The following CLVS1 variants were observed in gnomAD, a reference collection of about 807,000 sequenced individuals.
CLVS1 encodes the protein clavesin 1.
Under a neutral mutation model 33.1 loss-of-function variants are expected in CLVS1, and 10 were observed. The observed-to-expected ratio is 0.30, with a 90% CI of 0.19 to 0.51. The LOEUF is 0.51. Ranked by LOEUF, CLVS1 falls within the 20% of genes least tolerant of loss-of-function variation. The pLI is 0.97. For synonymous variants in CLVS1, 163 were observed against 166.1 expected, an observed-to-expected ratio of 0.98 and a Z score of 0.14; for missense variants, 343 against 433.4, an observed-to-expected ratio of 0.79 and a Z score of 1.85.
intron 1 of CLVS1, among the ~76,000 whole-genome samples, chr8:61,081,423 C>T (rs1805018090): frequency 6.6e-6 from 1 of 152,162 alleles, no homozygotes; most frequent in Admixed American, 6.5e-5. Context: ...TGAGCCGAAG[C>T]TTGCTGAGGC....
At chr8:61,274,331 C>G (rs918276346) in intron 2 of CLVS1, among the ~76,000 whole-genome samples, 2 of 152,082 alleles carry the variant, frequency 1.3e-5, no homozygotes, top group Non-Finnish European at 2.9e-5. Context: ...TTTATATTCC[C>G]TGCATTGATG....
Position 61,461,974 on chromosome 8 carries a change from A to G in CLVS1, c.977+3432A>G, listed in dbSNP as rs140372079. ...ATTTCCTCAACATTCATAGTTAAGC[A>G]GAGAAATGACATAATAAGATCTGGG... On this transcript the variant is annotated intron_variant, in intron 5 of 5. Transcript: ENST00000325897. Among the ~76,000 whole-genome samples, 48 of 152,356 alleles carry G rather than the reference A, an allele frequency of 3.2e-4. No homozygotes were observed. The East Asian group carries it at 8.3e-3, about 26-fold the overall frequency.
intron 2 of CLVS1, among the ~76,000 whole-genome samples, chr8:61,360,440 C>CCAAT (rs144687236): frequency 1.9e-4 from 29 of 152,078 alleles, no homozygotes; most frequent in African/African-American, 3.4e-4. Flanking sequence ...AACAGAATTG[C>CCAAT]CAATCAATCA....
chr8:61,489,992 G>C (rs1251260525), intron 5 of CLVS1, among the ~76,000 whole-genome samples: 1 of 152,176 alleles, frequency 6.6e-6, no homozygotes, highest in Non-Finnish European at 1.5e-5. Flanking sequence ...TAAGTAGCAC[G>C]TGGCAGCTCT....
chr8:61,038,609 C>T, the CLVS1 span, among the ~76,000 whole-genome samples: 81 of 152,028 alleles, frequency 5.3e-4, no homozygotes, highest in Non-Finnish European at 5.3e-4. Context: ...TTCCAGGAAG[C>T]CAACACAAAT....
chr8:61,114,926 T>G (rs552556872), intron 1 of CLVS1, among the ~76,000 whole-genome samples: 15 of 152,204 alleles, frequency 9.9e-5, no homozygotes, highest in Non-Finnish European at 2.1e-4. Flanking sequence ...CACTGGAAGA[T>G]CAGAAAAAGC....
intron 1 of CLVS1, among the ~76,000 whole-genome samples, chr8:61,108,891 G>A (rs943539340): frequency 6.6e-6 from 1 of 152,214 alleles, no homozygotes; most frequent in South Asian, 2.1e-4. Flanking sequence ...GTGCTCTGTT[G>A]GTTCTAAGTC....
chr8:61,322,144 A>G (rs981449681), intron 2 of CLVS1, among the ~76,000 whole-genome samples: 20 of 152,192 alleles, frequency 1.3e-4, no homozygotes, highest in African/African-American at 1.7e-4. Flanking sequence ...GGCACAGAGT[A>G]GGTGCTCATT....
At chr8:61,208,067 A>G (rs1454288926) in intron 2 of CLVS1, among the ~76,000 whole-genome samples, 4 of 152,216 alleles carry the variant, frequency 2.6e-5, no homozygotes, top group African/African-American at 7.2e-5. Context: ...CATTGTCATC[A>G]CCTTTTCTCA....
chr8:61,197,573 A>C (rs1405459682), intron 2 of CLVS1, among the ~76,000 whole-genome samples: 1 of 151,952 alleles, frequency 6.6e-6, no homozygotes, highest in Non-Finnish European at 1.5e-5. Context: ...AGGCTGGAGT[A>C]CAGTAGTGCT....
chr8:61,244,975 G>T (rs1302801990), intron 2 of CLVS1, among the ~76,000 whole-genome samples: 1 of 151,712 alleles, frequency 6.6e-6, no homozygotes, highest in Non-Finnish European at 1.5e-5. Flanking sequence ...ATATATTTTA[G>T]GTTATGTAAT....
At chr8:61,277,363 C>T (rs902304676) in intron 2 of CLVS1, among the ~76,000 whole-genome samples, 1 of 152,188 alleles carries the variant, frequency 6.6e-6, no homozygotes, top group Non-Finnish European at 1.5e-5. Flanking sequence ...TGGACTTCTG[C>T]ATAAGGTCCT....
intron 1 of CLVS1, among the ~76,000 whole-genome samples, chr8:61,103,999 C>A (rs1254718070): frequency 1.3e-5 from 2 of 152,156 alleles, no homozygotes; most frequent in African/African-American, 4.8e-5. Flanking sequence ...CAATAGATAA[C>A]CAACATGTAT....
intron 2 of CLVS1, among the ~76,000 whole-genome samples, chr8:61,203,995 T>G (rs980035772): frequency 6.6e-6 from 1 of 152,240 alleles, no homozygotes; most frequent in African/African-American, 2.4e-5. Flanking sequence ...AAAATCATCC[T>G]GCCATGTAGA....
the CLVS1 span, among the ~76,000 whole-genome samples, chr8:61,042,663 A>G: frequency 7.4e-6 from 1 of 134,992 alleles, no homozygotes. Context: ...TGGCAGAAAA[A>G]ATTTTCAGGA....
chr8:61,374,455 G>A (rs1202687496), intron 2 of CLVS1, among the ~76,000 whole-genome samples: 1 of 152,010 alleles, frequency 6.6e-6, no homozygotes, highest in Non-Finnish European at 1.5e-5. Context: ...TTACCAATTG[G>A]GCATTTCCAT....
the CLVS1 span, among the ~76,000 whole-genome samples, chr8:61,018,059 G>A: frequency 6.6e-6 from 1 of 152,224 alleles, no homozygotes; most frequent in African/African-American, 2.4e-5. Flanking sequence ...GGAGAGGACT[G>A]GTTATTGACT....
intron 1 of CLVS1, among the ~76,000 whole-genome samples, chr8:61,080,022 G>A (rs971935331): frequency 6.6e-6 from 1 of 152,114 alleles, no homozygotes; most frequent in Non-Finnish European, 1.5e-5. Context: ...ATGGATGCAT[G>A]GGGGTAATAC....
intron 5 of CLVS1, among the ~76,000 whole-genome samples, chr8:61,475,995 A>T (rs1413548287): frequency 6.6e-6 from 1 of 152,200 alleles, no homozygotes; most frequent in East Asian, 1.9e-4. Flanking sequence ...GAAGGGATCC[A>T]GTTTCAGCTT....
Sources: gnomAD v4.1 joint callset for allele counts (sites outside exome capture counted in the v4.1 genomes callset) on GRCh38, gnomAD v4.1.1 for gene constraint, MANE v1.5 for transcripts, NCBI Gene and HGNC (gene_info 2026-07-23, HGNC 2026-07-21) for gene names.